SHISA9: variants seen among roughly 807,000 people sequenced by gnomAD.
The protein encoded by SHISA9 is shisa family member 9.
Under a neutral mutation model 38.0 loss-of-function variants are expected in SHISA9, and 13 were observed. That is an observed-to-expected ratio of 0.34 (90% CI 0.22 to 0.54). The LOEUF (loss-of-function observed/expected upper bound fraction) is 0.54, where lower values mean the gene tolerates loss of function less well. SHISA9 is among the 20% of genes least tolerant of loss of function. The pLI is 0.91. For synonymous variants in SHISA9, 275 were observed against 242.0 expected (o/e 1.14, Z -1.27); for missense variants, 538 against 575.8 (o/e 0.93, Z 0.67).
the SHISA9 span, among the ~76,000 whole-genome samples, chr16:13,496,030 A>G: frequency 1.3e-5 from 2 of 152,164 alleles, no homozygotes; most frequent in Non-Finnish European, 2.9e-5. Context: ...ACAAAATAGC[A>G]AAACACTGTC....
chr16:12,913,622 A>G (rs545078311), intron 1 of SHISA9, among the ~76,000 whole-genome samples: 1 of 152,098 alleles, frequency 6.6e-6, no homozygotes, highest in Non-Finnish European at 1.5e-5. Context: ...ATAAGGTTTT[A>G]ATCACCCTTA....
chr16:13,534,600 T>C, the SHISA9 span, among the ~76,000 whole-genome samples: 7 of 152,184 alleles, frequency 4.6e-5, no homozygotes, highest in African/African-American at 9.7e-5. Flanking sequence ...CAACCCTCTT[T>C]TTACAAGAAT....
chr16:13,323,538 C>G, the SHISA9 span, among the ~76,000 whole-genome samples: 1 of 152,182 alleles, frequency 6.6e-6, no homozygotes, highest in East Asian at 1.9e-4. Context: ...TGTATTAATC[C>G]TTTCTCACAC....
intron 2 of SHISA9, among the ~76,000 whole-genome samples, chr16:13,128,898 G>A (rs2050283687): frequency 6.6e-6 from 1 of 152,202 alleles, no homozygotes; most frequent in Admixed American, 6.5e-5. Context: ...TATACTTTCT[G>A]TGCTTGTTCA....
intron 2 of SHISA9, among the ~76,000 whole-genome samples, chr16:13,136,396 CTTTTTTTT>C (rs35122409): frequency 4.4e-5 from 3 of 68,090 alleles, no homozygotes; most frequent in African/African-American, 1.9e-4. Flanking sequence ...CAGTTTCCTT[CTTTTTTTT>C]TTTTTTTTTT....
the SHISA9 span, among the ~76,000 whole-genome samples, chr16:13,522,136 A>G: frequency 6.6e-6 from 1 of 152,100 alleles, no homozygotes; most frequent in Non-Finnish European, 1.5e-5. Flanking sequence ...CTGTAATCCC[A>G]CATAAGAGGA....
chr16:12,952,139 A>G (rs1047198451), intron 2 of SHISA9, among the ~76,000 whole-genome samples: 5 of 152,234 alleles, frequency 3.3e-5, no homozygotes, highest in East Asian at 1.9e-4. Flanking sequence ...CAATTAACAT[A>G]TAATGCCCTA....
intron 2 of SHISA9, among the ~76,000 whole-genome samples, chr16:13,090,598 G>A (rs1466235630): frequency 6.6e-6 from 1 of 152,154 alleles, no homozygotes; most frequent in Non-Finnish European, 1.5e-5. Context: ...TTTAAAGTCT[G>A]TTTTATGAGA....
chr16:13,112,303 G>A (rs1182716267), intron 2 of SHISA9, among the ~76,000 whole-genome samples: 1 of 151,546 alleles, frequency 6.6e-6, no homozygotes, highest in Non-Finnish European at 1.5e-5. Context: ...GGAGAGAAGG[G>A]AAAAAATAAG....
intron 2 of SHISA9, among the ~76,000 whole-genome samples, chr16:13,160,903 A>G (rs1362887246): frequency 6.6e-6 from 1 of 152,162 alleles, no homozygotes; most frequent in Non-Finnish European, 1.5e-5. Context: ...TTCAGGCTGG[A>G]TGGCTTCAAG....
chr16:13,348,969 T>C, the SHISA9 span, among the ~76,000 whole-genome samples: 1 of 152,100 alleles, frequency 6.6e-6, no homozygotes. Flanking sequence ...CACAGAGTCA[T>C]TTCCAAACAC....
the SHISA9 span, among the ~76,000 whole-genome samples, chr16:13,435,942 G>A: frequency 2.1e-3 from 320 of 152,300 alleles, 2 homozygotes; most frequent in African/African-American, 7.6e-3. Context: ...TGAAGAAAAT[G>A]ATGGCTTTAG....
chr16:13,395,966 G>GA, the SHISA9 span, among the ~76,000 whole-genome samples: 1 of 151,748 alleles, frequency 6.6e-6, no homozygotes, highest in African/African-American at 2.4e-5. Context: ...ATTATATTCA[G>GA]AAAAAAAATT....
At chr16:12,991,691 ATCTTT>A (rs1354364993) in intron 2 of SHISA9, among the ~76,000 whole-genome samples, 2 of 152,314 alleles carry the variant, frequency 1.3e-5, no homozygotes, top group Admixed American at 1.3e-4. Context: ...AGCTGAGTCA[ATCTTT>A]TCTTCAGAGG....
chr16:13,116,540 G>A (rs1267707358), intron 2 of SHISA9, among the ~76,000 whole-genome samples: 3 of 152,190 alleles, frequency 2.0e-5, no homozygotes, highest in African/African-American at 7.2e-5. Context: ...GCAGGACACT[G>A]GCTTTGGAGC....
At chr16:13,326,732 GA>G in the SHISA9 span, among the ~76,000 whole-genome samples, 20 of 151,290 alleles carry the variant, frequency 1.3e-4, no homozygotes, top group African/African-American at 4.1e-4. Flanking sequence ...GAAAAAGAAA[GA>G]AAAAAAAAGT....
At chr16:13,433,625 A>G in the SHISA9 span, among the ~76,000 whole-genome samples, 1 of 152,358 alleles carries the variant, frequency 6.6e-6, no homozygotes, top group South Asian at 2.1e-4. Flanking sequence ...TCACCACCAC[A>G]TGTCACTGCA....
the SHISA9 span, among the ~76,000 whole-genome samples, chr16:13,476,493 AC>A: frequency 9.9e-5 from 15 of 152,208 alleles, no homozygotes; most frequent in East Asian, 1.2e-3. Flanking sequence ...CCTAGACTGA[AC>A]CCCTGGTGTT....
intron 4 of SHISA9, among the ~76,000 whole-genome samples, chr16:13,232,039 G>A (rs2051336406): frequency 6.6e-6 from 1 of 152,220 alleles, no homozygotes; most frequent in South Asian, 2.1e-4. Context: ...CCTGTAAGGA[G>A]GAGAATCAGA....
Sources: gnomAD v4.1 joint callset for allele counts (sites outside exome capture counted in the v4.1 genomes callset) on GRCh38, gnomAD v4.1.1 for gene constraint, MANE v1.5 for transcripts, NCBI Gene and HGNC (gene_info 2026-07-23, HGNC 2026-07-21) for gene names.